CCDC171: variants seen among roughly 807,000 people sequenced by gnomAD.
CCDC171 encodes coiled-coil domain containing 171.
CCDC171 carries 177 observed loss-of-function variants against 168.2 expected under a neutral mutation model. That is an observed-to-expected ratio of 1.05 (90% confidence interval 0.93 to 1.19). The LOEUF is 1.19. Among genes scored for constraint, CCDC171 ranks in the 50% most tolerant of loss-of-function variants. The pLI, the probability that CCDC171 is intolerant of heterozygous loss-of-function variation, is 0.00. For missense variants in CCDC171, 1,991 were observed against 1,539.0 expected, an observed-to-expected ratio of 1.29 and a Z score of -4.91; for synonymous variants, 687 against 540.8, an observed-to-expected ratio of 1.27 and a Z score of -3.75.
At chr9:15,918,197 A>G (rs58970083) in intron 24 of CCDC171, among the ~76,000 whole-genome samples, 2,662 of 151,676 alleles carry the variant, frequency 0.018, 93 homozygotes, top group African/African-American at 0.062. Context: ...TCTACTCCAT[A>G]TGGTTACTGT....
At chr9:15,830,991 A>G (rs1259665323) in intron 21 of CCDC171, among the ~76,000 whole-genome samples, 2 of 101,356 alleles carry the variant, frequency 2.0e-5, no homozygotes, top group Middle Eastern at 0.01. Context: ...TTTTTTTGAG[A>G]TGGATTCTCG....
chr9:15,691,546 T>TTATATATATATATATATATATA (rs55892512), intron 10 of CCDC171, among the ~76,000 whole-genome samples: 18 of 106,338 alleles, frequency 1.7e-4, no homozygotes, highest in South Asian at 3.1e-4. Flanking sequence ...TATATGTTTT[T>TTATATATATATATATATATATA]TATATATATA....
In CCDC171 at chr9:16,051,925, G is replaced by A. The variant is rs193160266; in HGVS notation, n.90-8721G>A. ...GAAGTCGAATGAGGAGCAAAGTCAC[G>A]TCTTACACAGTGGCAGGCAAGAGAG... On this transcript the variant is annotated intron_variant and non_coding_transcript_variant, in intron 1 of 1. Transcript: ENST00000478913. Among the ~76,000 whole-genome samples the A allele has an allele frequency of 1.5e-4, 23 of 152,296 alleles. No individual in the cohort carries two copies. The East Asian group carries it at 4.1e-3, about 27-fold the overall frequency.
intron 3 of CCDC171, among the ~76,000 whole-genome samples, chr9:16,019,742 A>G (rs1387783613): frequency 6.6e-6 from 1 of 152,196 alleles, no homozygotes; most frequent in African/African-American, 2.4e-5. Context: ...GGAAATGTAA[A>G]TATTTTGACA....
chr9:15,955,641 C>T (rs927083555), intron 25 of CCDC171, among the ~76,000 whole-genome samples: 2 of 152,252 alleles, frequency 1.3e-5, no homozygotes, highest in Non-Finnish European at 2.9e-5. Context: ...AGTTGCAAGC[C>T]TTCAATAGAC....
the CCDC171 span, among the ~76,000 whole-genome samples, chr9:16,068,196 TC>T: frequency 6.7e-6 from 1 of 149,084 alleles, no homozygotes; most frequent in Non-Finnish European, 1.5e-5. Flanking sequence ...ATGAGTGAAC[TC>T]CCATTCACAA....
At chr9:15,708,054 G>T (rs1036095716) in intron 11 of CCDC171, among the ~76,000 whole-genome samples, 1 of 152,112 alleles carries the variant, frequency 6.6e-6, no homozygotes, top group Admixed American at 6.5e-5. Flanking sequence ...CATCATGTTG[G>T]CCAGGCTGGT....
At chr9:15,696,272 G>C (rs1319257377) in intron 11 of CCDC171, among the ~76,000 whole-genome samples, 2 of 152,092 alleles carry the variant, frequency 1.3e-5, no homozygotes, top group Non-Finnish European at 2.9e-5. Flanking sequence ...CCTCATCAAG[G>C]TTCATATTTT....
chr9:15,695,385 G>C (rs776446096), intron 11 of CCDC171, 48 bp downstream of exon 11: 6 of 1,413,274 alleles, frequency 4.2e-6, no homozygotes, highest in South Asian at 3.5e-5. Flanking sequence ...ATGTTCCAAA[G>C]TCACTACATT....
At chr9:15,767,820 T>TTCCCTCCCTCCCTCCCTCCCTCCCTCCC (rs2056805633) in intron 18 of CCDC171, among the ~76,000 whole-genome samples, 27 of 1,696 alleles carry the variant, frequency 0.016, no homozygotes, top group African/African-American at 0.036. Context: ...TTTCTTTTCT[T>TTCCCTCCCTCCCTCCCTCCCTCCCTCCC]TTCTTTCCCT....
intron 25 of CCDC171, among the ~76,000 whole-genome samples, chr9:15,921,235 A>G (rs1825286569): frequency 6.6e-6 from 1 of 151,700 alleles, no homozygotes; most frequent in Non-Finnish European, 1.5e-5. Flanking sequence ...GTTAGCATTA[A>G]AACAAATAGA....
intron 1 of CCDC171, among the ~76,000 whole-genome samples, chr9:16,053,386 T>C (rs1833782754): frequency 6.6e-6 from 1 of 152,216 alleles, no homozygotes; most frequent in African/African-American, 2.4e-5. Context: ...GAGGGTGTCA[T>C]GTACAGGGAA....
intron 21 of CCDC171, among the ~76,000 whole-genome samples, chr9:15,803,381 T>G (rs111993301): frequency 0.043 from 6,562 of 151,658 alleles, 467 homozygotes; most frequent in African/African-American, 0.15. Flanking sequence ...TAGGGTTTTT[T>G]TTTGTAGTTT....
intron 21 of CCDC171, among the ~76,000 whole-genome samples, chr9:15,791,464 G>A (rs1462873408): frequency 6.6e-6 from 1 of 152,128 alleles, no homozygotes; most frequent in Non-Finnish European, 1.5e-5. Context: ...AGACTTTGCT[G>A]AAGTTGCTTA....
rs1286165826 is a variant in CCDC171, at chr9:15,815,547, C to T, written c.3267+30853C>T. Among the ~76,000 whole-genome samples the T allele has an allele frequency of 7.1e-5, 8 of 112,838 alleles. 2 individuals carry two copies. The highest frequency in any genetic ancestry group is 5.8e-4 in the South Asian group (2 of 3,448). The allele number at this position is 112,838 out of a possible 152,430, so 74.0% of individuals were successfully genotyped here. On this transcript the variant is annotated intron_variant, in intron 21 of 25. Transcript: ENST00000380701. ...CCTTCTTATTTTAAATGTGTCCCAA[C>T]GTTTATATTATTAATAAAATTGTTT... is the stretch of plus-strand genomic sequence containing the variant.
In CCDC171 at chr9:16,049,579, G is replaced by A. The variant is rs184936929; in HGVS notation, n.89+6693G>A. Among the ~76,000 whole-genome samples the A allele has an allele frequency of 5.6e-4, 85 of 152,200 alleles. 1 individual carries two copies. The highest frequency in any genetic ancestry group is 1.6e-4 in the Non-Finnish European group (11 of 68,022). On this transcript the variant is annotated intron_variant and non_coding_transcript_variant, in intron 1 of 1. Transcript: ENST00000478913. ...GAACTTCAGGGTAGCCGGTCTTTGGGCTCCAGGACTTACACCAGCAGCACC... is the reference window on the plus strand; with the variant it reads ...GAACTTCAGGGTAGCCGGTCTTTGGACTCCAGGACTTACACCAGCAGCACC...
chr9:15,727,622 G>C (rs1018727595), intron 14 of CCDC171, among the ~76,000 whole-genome samples: 2 of 152,136 alleles, frequency 1.3e-5, no homozygotes, highest in African/African-American at 4.8e-5. Flanking sequence ...CAGAGGTGGA[G>C]ATGAATCTTG....
chr9:15,990,589 T>C (rs1832157266), intron 3 of CCDC171, among the ~76,000 whole-genome samples: 2 of 152,246 alleles, frequency 1.3e-5, no homozygotes, highest in African/African-American at 4.8e-5. Context: ...TAACCATAAA[T>C]GTAAATGGGC....
At chr9:16,090,224 G>A in the CCDC171 span, among the ~76,000 whole-genome samples, 1 of 152,178 alleles carries the variant, frequency 6.6e-6, no homozygotes, top group Non-Finnish European at 1.5e-5. Context: ...TATACACCAT[G>A]GAATATGAAG....
Sources: gnomAD v4.1 joint callset for allele counts (sites outside exome capture counted in the v4.1 genomes callset) on GRCh38, gnomAD v4.1.1 for gene constraint, MANE v1.5 for transcripts, NCBI Gene and HGNC (gene_info 2026-07-23, HGNC 2026-07-21) for gene names.